The following TENM4 variants were observed in gnomAD, a reference collection of about 807,000 sequenced individuals.
TENM4 encodes teneurin-4.
A neutral mutation model predicts 243.3 loss-of-function variants in TENM4; 82 were observed. The ratio of observed to expected loss-of-function variants is 0.34; its 90% CI spans 0.28 to 0.40. The LOEUF is 0.40. TENM4 is among the 10% of genes least tolerant of loss of function. The pLI, the probability that TENM4 is intolerant of heterozygous loss-of-function variation, is 1.00. For missense variants in TENM4, 3,138 were observed against 3,673.3 expected (o/e 0.85, Z 3.77); for synonymous variants, 1,412 against 1,456.3 (o/e 0.97, Z 0.69).
intron 6 of TENM4, among the ~76,000 whole-genome samples, chr11:79,051,543 GCT>G (rs1859792357): frequency 6.6e-6 from 1 of 152,230 alleles, no homozygotes; most frequent in South Asian, 2.1e-4. Flanking sequence ...TAGGGTAAGA[GCT>G]TTGGATTTGG....
chr11:78,834,380 G>C (rs2136154863), intron 12 of TENM4, among the ~76,000 whole-genome samples: 1 of 151,812 alleles, frequency 6.6e-6, no homozygotes, highest in African/African-American at 2.4e-5. Context: ...TATTTGTCTT[G>C]GTCTTTTCTT....
chr11:78,929,748 T>C (rs954951656), intron 6 of TENM4, among the ~76,000 whole-genome samples: 1 of 152,184 alleles, frequency 6.6e-6, no homozygotes, highest in African/African-American at 2.4e-5. Context: ...CTTCAAGGAT[T>C]TATTCTCTTG....
intron 6 of TENM4, among the ~76,000 whole-genome samples, chr11:78,966,937 T>G (rs1024045835): frequency 2.0e-5 from 3 of 152,184 alleles, no homozygotes; most frequent in African/African-American, 7.2e-5. Context: ...TAAATCTATC[T>G]GAACGGCAAC....
At chr11:79,317,962 C>A (rs982459510) in intron 1 of TENM4, among the ~76,000 whole-genome samples, 3 of 152,028 alleles carry the variant, frequency 2.0e-5, no homozygotes, top group African/African-American at 7.3e-5. Context: ...TCCATGGTGG[C>A]CCAAAATGAC....
intron 13 of TENM4, among the ~76,000 whole-genome samples, chr11:78,813,313 C>T (rs1857537963): frequency 1.3e-5 from 2 of 152,188 alleles, no homozygotes; most frequent in African/African-American, 4.8e-5. Flanking sequence ...TGTAGTGTCA[C>T]CCTCATTTGG....
At chr11:79,095,145 G>C (rs1398510650) in intron 4 of TENM4, among the ~76,000 whole-genome samples, 1 of 152,158 alleles carries the variant, frequency 6.6e-6, no homozygotes, top group Non-Finnish European at 1.5e-5. Flanking sequence ...TGGGGTCCAG[G>C]CTGCAGTCAG....
chr11:78,686,253 G>C (rs1383444991), intron 29 of TENM4, among the ~76,000 whole-genome samples: 1 of 152,190 alleles, frequency 6.6e-6, no homozygotes, highest in Non-Finnish European at 1.5e-5. Flanking sequence ...ACAGAGTTTG[G>C]GGAGCTGAAC....
chr11:79,032,591 C>T (rs61072109), intron 6 of TENM4, among the ~76,000 whole-genome samples: 11,934 of 152,216 alleles, frequency 0.078, 911 homozygotes, highest in African/African-American at 0.2. Flanking sequence ...GGTAATCAGG[C>T]GCCGTTCCCC....
intron 3 of TENM4, among the ~76,000 whole-genome samples, chr11:79,209,885 C>T (rs969736248): frequency 1.3e-5 from 2 of 152,226 alleles, no homozygotes; most frequent in Non-Finnish European, 2.9e-5. Flanking sequence ...ATGTCCTTCT[C>T]TGCATTGCAG....
At position 78,669,022 on chromosome 11, in the gene TENM4, GCTA is replaced by G. The variant is rs773771255; in HGVS notation, c.7320_7322del (p.Ser2442del). 9 of 1,613,878 alleles carry G rather than the reference GCTA, an allele frequency of 5.6e-6. No individual in the cohort carries two copies. Among genetic ancestry groups the G allele is most frequent in the Non-Finnish European group, 7.6e-6 (9 of 1,179,914 alleles). ...AGAGATTAAAAGGCATGACGTTGCT[GCTA>G]CTAAGGTGCTTCCACAGCTCGTGGT... On this transcript the variant is annotated inframe_deletion, in exon 32 of 34. Coordinates refer to ENST00000278550, the MANE Select transcript of TENM4 (RefSeq NM_001098816.3). This position sits in a 1 kb window ranked among gnomAD's most constrained non-coding sequence, Gnocchi z 6.4.
At chr11:79,088,828 A>T (rs1698840150) in intron 4 of TENM4, among the ~76,000 whole-genome samples, 1 of 152,158 alleles carries the variant, frequency 6.6e-6, no homozygotes, top group Admixed American at 6.5e-5. Context: ...CTGTGCTGGG[A>T]TTGAAGGTGA....
chr11:79,267,875 C>G (rs958972437), intron 2 of TENM4, among the ~76,000 whole-genome samples: 2 of 152,216 alleles, frequency 1.3e-5, no homozygotes, highest in South Asian at 4.1e-4. Flanking sequence ...ATCCCAGACA[C>G]CTGTATCACC....
intron 12 of TENM4, among the ~76,000 whole-genome samples, chr11:78,836,667 C>G (rs1858123753): frequency 6.6e-6 from 1 of 152,122 alleles, no homozygotes; most frequent in Non-Finnish European, 1.5e-5. Context: ...TTAAAATATG[C>G]TTTCTTTCTT....
chr11:79,107,273 T>G (rs962202000), intron 4 of TENM4, among the ~76,000 whole-genome samples: 4 of 148,182 alleles, frequency 2.7e-5, no homozygotes, highest in Non-Finnish European at 5.9e-5. Context: ...GCACATTACT[T>G]GAGAATACTA....
intron 1 of TENM4, among the ~76,000 whole-genome samples, chr11:79,397,831 G>A (rs188037237): frequency 1.3e-5 from 2 of 152,132 alleles, no homozygotes; most frequent in South Asian, 4.1e-4. Flanking sequence ...GGGCTTGTGA[G>A]CAATCAGCAA....
chr11:79,351,434 G>A (rs949922127), intron 1 of TENM4, among the ~76,000 whole-genome samples: 3 of 152,160 alleles, frequency 2.0e-5, no homozygotes, highest in Non-Finnish European at 2.9e-5. Flanking sequence ...GGCCAGGAAC[G>A]TTGGCTCACA....
intron 6 of TENM4, among the ~76,000 whole-genome samples, chr11:78,928,707 T>C (rs1225308843): frequency 6.6e-6 from 1 of 152,246 alleles, no homozygotes; most frequent in African/African-American, 2.4e-5. Context: ...AATTATGTAA[T>C]AAATTGTTGT....
intron 1 of TENM4, among the ~76,000 whole-genome samples, chr11:79,435,714 G>A (rs989639320): frequency 3.3e-5 from 5 of 152,176 alleles, no homozygotes; most frequent in African/African-American, 1.2e-4. Context: ...TGCACCACTG[G>A]TGCTTATCAA....
intron 6 of TENM4, among the ~76,000 whole-genome samples, chr11:78,917,960 C>T (rs187107437): frequency 1.0e-3 from 159 of 152,308 alleles, no homozygotes; most frequent in African/African-American, 3.8e-3. Context: ...ACACGCATGA[C>T]ACACAGCAAG....
Sources: gnomAD v4.1 joint callset for allele counts (sites outside exome capture counted in the v4.1 genomes callset) on GRCh38, gnomAD v4.1.1 for gene constraint, Gnocchi (gnomAD v3.1) non-coding constraint, MANE v1.5 for transcripts, NCBI Gene and HGNC (gene_info 2026-07-23, HGNC 2026-07-21) for gene names.